SRGAP3: variants seen among roughly 807,000 people sequenced by gnomAD.
SRGAP3 encodes SLIT-ROBO Rho GTPase-activating protein 3.
A neutral mutation model predicts 121.1 loss-of-function variants in SRGAP3; 39 were observed. The ratio of observed to expected loss-of-function variants is 0.32; its 90% CI spans 0.25 to 0.42. The LOEUF (loss-of-function observed/expected upper bound fraction) is 0.42. SRGAP3 is among the 10% of genes least tolerant of loss of function. SRGAP3 has a pLI of 1.00. For synonymous variants in SRGAP3, 601 were observed against 570.0 expected (o/e 1.05, Z -0.77); for missense variants, 1,213 against 1,470.6 (o/e 0.82, Z 2.86).
At chr3:9,153,147 AG>A (rs1950271171) in intron 1 of SRGAP3, among the ~76,000 whole-genome samples, 1 of 152,180 alleles carries the variant, frequency 6.6e-6, no homozygotes, top group African/African-American at 2.4e-5. Context: ...ACCCAGTATG[AG>A]TGAGTCTTGA....
intron 1 of SRGAP3, among the ~76,000 whole-genome samples, chr3:9,223,239 G>A (rs1383544951): frequency 6.6e-6 from 1 of 152,170 alleles, no homozygotes; most frequent in Non-Finnish European, 1.5e-5. Context: ...AGGGAGGGCT[G>A]ATTGGTTACA....
At chr3:9,049,137 G>C in intron 9 of SRGAP3, 1 of 279,558 alleles carries the variant, frequency 3.6e-6, no homozygotes, top group Non-Finnish European at 7.2e-6. Context: ...ACACCCCCAA[G>C]TCAACTATAG....
intron 6 of SRGAP3, chr3:9,059,379 C>A (rs1211780736): frequency 6.6e-6 from 1 of 152,288 alleles, no homozygotes; most frequent in East Asian, 1.9e-4. Context: ...GAAGGTCTGG[C>A]CTTGGGCCAT....
In SRGAP3 at chr3:9,015,390, C is replaced by T. The variant is rs1019343761; in HGVS notation, c.1813+207G>A. Among the ~76,000 whole-genome samples the T allele has an allele frequency of 2.2e-4, 33 of 152,172 alleles. 1 individual carries two copies. The highest frequency in any genetic ancestry group is 8.0e-4 in the African/African-American group (33 of 41,434). ...TCTTCCTCTGGTTCTCCTCTGAGCT[C>T]CTTCTCTACCCAGGGGGTGTGACAT... On this transcript the variant is annotated intron_variant, in intron 15 of 21. Coordinates refer to ENST00000383836, the MANE Select transcript of SRGAP3 (RefSeq NM_014850.4).
At chr3:9,342,171 C>CA (rs916776606) in intron 1 of SRGAP3, among the ~76,000 whole-genome samples, 3 of 152,138 alleles carry the variant, frequency 2.0e-5, no homozygotes, top group African/African-American at 7.2e-5. Flanking sequence ...GCCAACATGG[C>CA]AAAACCCCAT....
intron 1 of SRGAP3, among the ~76,000 whole-genome samples, chr3:9,186,171 G>A (rs902493705): frequency 2.0e-5 from 3 of 152,068 alleles, no homozygotes; most frequent in Non-Finnish European, 4.4e-5. Context: ...AAACCTTGTC[G>A]CCTTTGAACC....
intron 1 of SRGAP3, among the ~76,000 whole-genome samples, chr3:9,188,684 A>C (rs556278991): frequency 6.6e-6 from 1 of 152,328 alleles, no homozygotes; most frequent in Middle Eastern, 3.4e-3. Context: ...CTTTGGTGCC[A>C]TATCTTTTTC....
chr3:9,041,986 G>A (rs772043576), intron 10 of SRGAP3, among the ~76,000 whole-genome samples: 11 of 151,592 alleles, frequency 7.3e-5, no homozygotes, highest in African/African-American at 1.5e-4. Context: ...CTGTAATCCC[G>A]GCTACTCGGG....
At chr3:9,048,507 G>A (rs548511476) in intron 9 of SRGAP3, among the ~76,000 whole-genome samples, 1 of 152,170 alleles carries the variant, frequency 6.6e-6, no homozygotes, top group African/African-American at 2.4e-5. Flanking sequence ...TCAGTCAGGC[G>A]GTGGTGAATG....
chr3:9,331,550 G>A (rs1286499847), intron 1 of SRGAP3, among the ~76,000 whole-genome samples: 2 of 152,138 alleles, frequency 1.3e-5, no homozygotes, highest in Admixed American at 6.5e-5. Flanking sequence ...TTCTCTCCTC[G>A]ATAACTAGCC....
At chr3:9,198,105 G>T (rs1331379240) in intron 1 of SRGAP3, among the ~76,000 whole-genome samples, 3 of 152,202 alleles carry the variant, frequency 2.0e-5, no homozygotes, top group Non-Finnish European at 4.4e-5. Context: ...TATAGAGACT[G>T]TCTTTCAAGT....
intron 17 of SRGAP3, among the ~76,000 whole-genome samples, 172 bp downstream of exon 17, chr3:9,013,136 C>A (rs1259108479): frequency 6.6e-6 from 1 of 152,124 alleles, no homozygotes; most frequent in Non-Finnish European, 1.5e-5. Flanking sequence ...CCAAGAGAAT[C>A]CTAACTGATG....
chr3:9,294,695 C>CGT (rs753452580), intron 3 of SRGAP3, among the ~76,000 whole-genome samples: 13,050 of 119,764 alleles, frequency 0.11, 737 homozygotes, highest in East Asian at 0.14. Flanking sequence ...TTGAAGCTTT[C>CGT]GTGTGTGTGT....
intron 1 of SRGAP3, among the ~76,000 whole-genome samples, chr3:9,149,934 A>G (rs917652410): frequency 2.0e-5 from 3 of 152,028 alleles, no homozygotes; most frequent in African/African-American, 4.8e-5. Flanking sequence ...TTCATTCACC[A>G]TGGGTTTGTT....
intron 4 of SRGAP3, among the ~76,000 whole-genome samples, chr3:9,075,293 T>C (rs1054646666): frequency 6.6e-6 from 1 of 152,188 alleles, no homozygotes; most frequent in Non-Finnish European, 1.5e-5. Flanking sequence ...CGCTTGCATA[T>C]ATGTGTATGT....
chr3:9,083,615 C>T (rs1169963599), intron 3 of SRGAP3, among the ~76,000 whole-genome samples: 5 of 152,160 alleles, frequency 3.3e-5, no homozygotes, highest in Non-Finnish European at 7.3e-5. Flanking sequence ...TTAATTTAGC[C>T]AGCTCCTTAG....
intron 21 of SRGAP3, 102 bp from the exon 22 acceptor site, chr3:8,986,034 C>T: frequency 6.4e-7 from 1 of 1,572,630 alleles, no homozygotes; most frequent in Non-Finnish European, 8.6e-7. Context: ...TCCCCAGAAG[C>T]CTCGCGGCAG....
intron 5 of SRGAP3, 139 bp from the exon 6 acceptor site, chr3:9,060,498 C>T: frequency 1.7e-6 from 2 of 1,171,556 alleles, no homozygotes; most frequent in Non-Finnish European, 2.4e-6. Context: ...GTGATCATAG[C>T]TCACTTCAGC....
intron 1 of SRGAP3, among the ~76,000 whole-genome samples, chr3:9,161,225 C>A (rs1429132582): frequency 6.6e-6 from 1 of 152,156 alleles, no homozygotes; most frequent in Non-Finnish European, 1.5e-5. Flanking sequence ...TGGCAGATAC[C>A]ACCTTAATCA....
Sources: gnomAD v4.1 joint callset for allele counts (sites outside exome capture counted in the v4.1 genomes callset) on GRCh38, gnomAD v4.1.1 for gene constraint, MANE v1.5 for transcripts, NCBI Gene and HGNC (gene_info 2026-07-23, HGNC 2026-07-21) for gene names.